FAM227B: variants seen among roughly 807,000 people sequenced by gnomAD.
FAM227B encodes the protein protein FAM227B.
In FAM227B, 88 loss-of-function variants were observed where a neutral mutation model predicts 73.8. The ratio of observed to expected loss-of-function variants is 1.19; its 90% CI spans 1.00 to 1.42. The LOEUF (loss-of-function observed/expected upper bound fraction) is 1.42. Ranked by LOEUF, FAM227B falls within the 40% of genes most tolerant of loss-of-function variation. The probability of loss-of-function intolerance (pLI) is 0.00; values close to 1 mark genes in which losing one functional copy is unlikely to be tolerated. For missense variants in FAM227B, 632 were observed against 590.9 expected (o/e 1.07, Z -0.72); for synonymous variants, 210 against 190.5 (o/e 1.10, Z -0.84).
chr15:49,517,810 T>G (rs943003706), intron 10 of FAM227B, among the ~76,000 whole-genome samples: 1 of 152,184 alleles, frequency 6.6e-6, no homozygotes. Context: ...ATTCCAAGGG[T>G]AACTATTAGT....
chr15:49,569,399 T>C (rs1479188629), intron 8 of FAM227B, among the ~76,000 whole-genome samples: 1 of 151,900 alleles, frequency 6.6e-6, no homozygotes, highest in Non-Finnish European at 1.5e-5. Flanking sequence ...TCCTTCCTTC[T>C]GTTAACTTAG....
chr15:49,364,087 G>T (rs1478636401), intron 13 of FAM227B, among the ~76,000 whole-genome samples: 1 of 151,988 alleles, frequency 6.6e-6, no homozygotes, highest in Non-Finnish European at 1.5e-5. Flanking sequence ...TTTTTTTATT[G>T]TGTCTATGCC....
intron 13 of FAM227B, among the ~76,000 whole-genome samples, chr15:49,338,306 T>C (rs2040115167): frequency 6.6e-6 from 1 of 152,232 alleles, no homozygotes; most frequent in African/African-American, 2.4e-5. Flanking sequence ...CTTTCAGCTC[T>C]TGGAGGGCAG....
chr15:49,563,355 G>A (rs28788326), intron 9 of FAM227B, among the ~76,000 whole-genome samples: 49,925 of 151,862 alleles, frequency 0.33, 8,986 homozygotes, highest in African/African-American at 0.46. Flanking sequence ...ATGAACAAAC[G>A]GAAAAACATT....
chr15:49,587,561 C>T (rs554195456), intron 5 of FAM227B, among the ~76,000 whole-genome samples: 41 of 151,996 alleles, frequency 2.7e-4, no homozygotes, highest in Non-Finnish European at 5.1e-4. Context: ...CTAGCTCTAA[C>T]ATTATATAAT....
At chr15:49,383,412 C>CT (rs1299190407) in intron 11 of FAM227B, among the ~76,000 whole-genome samples, 1 of 151,972 alleles carries the variant, frequency 6.6e-6, no homozygotes. Flanking sequence ...AAGGTATGCA[C>CT]TTTTTATTAG....
intron 9 of FAM227B, among the ~76,000 whole-genome samples, chr15:49,559,711 C>A (rs1346812473): frequency 6.6e-6 from 1 of 151,880 alleles, no homozygotes; most frequent in African/African-American, 2.4e-5. Flanking sequence ...CTGAGGCAGG[C>A]AGATCACGAG....
chr15:49,438,843 G>GAGAT (rs1369941804), intron 11 of FAM227B, among the ~76,000 whole-genome samples: 2 of 151,104 alleles, frequency 1.3e-5, no homozygotes, highest in Non-Finnish European at 3.0e-5. Flanking sequence ...CTGAGAGAGA[G>GAGAT]AGTGGGTGGT....
At chr15:49,378,624 G>A (rs770219619) in intron 11 of FAM227B, among the ~76,000 whole-genome samples, 4 of 152,076 alleles carry the variant, frequency 2.6e-5, no homozygotes, top group Non-Finnish European at 5.9e-5. Flanking sequence ...TTGGCATATA[G>A]ATGTGCTACT....
At chr15:49,368,441 CT>C (rs1200717413) in intron 12 of FAM227B, among the ~76,000 whole-genome samples, 1 of 152,048 alleles carries the variant, frequency 6.6e-6, no homozygotes, top group East Asian at 1.9e-4. Flanking sequence ...CTTATGGTCA[CT>C]TTTTTATTCT....
intron 2 of FAM227B, among the ~76,000 whole-genome samples, chr15:49,614,548 T>C (rs1333234481): frequency 6.6e-6 from 1 of 152,232 alleles, no homozygotes; most frequent in East Asian, 1.9e-4. Flanking sequence ...AACTGTCCCA[T>C]AGAACTAATG....
intron 11 of FAM227B, among the ~76,000 whole-genome samples, chr15:49,395,657 T>G (rs1309787035): frequency 6.6e-6 from 1 of 152,038 alleles, no homozygotes; most frequent in East Asian, 1.9e-4. Flanking sequence ...ATTTGCTGAG[T>G]TATGTGGTGT....
At chr15:49,565,247 TG>T (rs2074555021) in intron 9 of FAM227B, among the ~76,000 whole-genome samples, 3 of 151,762 alleles carry the variant, frequency 2.0e-5, no homozygotes, top group Admixed American at 6.6e-5. Context: ...CCAGGGGTGG[TG>T]ATGGGCACCT....
At chr15:49,535,318 C>T (rs1429782260) in intron 10 of FAM227B, among the ~76,000 whole-genome samples, 1 of 151,302 alleles carries the variant, frequency 6.6e-6, no homozygotes, top group Non-Finnish European at 1.5e-5. Context: ...ATTGAAAAAA[C>T]CTAAATGGAA....
intron 9 of FAM227B, among the ~76,000 whole-genome samples, chr15:49,550,416 G>C (rs1418533796): frequency 5.9e-5 from 9 of 151,826 alleles, no homozygotes; most frequent in African/African-American, 2.2e-4. Context: ...CGGGGTGGCT[G>C]CTGGGCGGAG....
At chr15:49,410,974 G>GTC (rs959516710) in intron 11 of FAM227B, among the ~76,000 whole-genome samples, 3 of 142,766 alleles carry the variant, frequency 2.1e-5, no homozygotes, top group African/African-American at 7.7e-5. Flanking sequence ...GTGTGTGTGT[G>GTC]TGTGTGTATG....
intron 10 of FAM227B, among the ~76,000 whole-genome samples, chr15:49,535,255 C>G (rs1466164077): frequency 6.6e-6 from 1 of 151,320 alleles, no homozygotes; most frequent in Non-Finnish European, 1.5e-5. Flanking sequence ...ACAAGAGATA[C>G]CTCTGAAATA....
At chr15:49,539,168 C>T (rs1001936951) in intron 10 of FAM227B, among the ~76,000 whole-genome samples, 16 of 152,114 alleles carry the variant, frequency 1.1e-4, no homozygotes, top group Non-Finnish European at 2.2e-4. Context: ...GAGCATGCAA[C>T]AGCTTACATT....
intron 3 of FAM227B, among the ~76,000 whole-genome samples, chr15:49,608,200 T>C (rs889317867): frequency 1.3e-5 from 2 of 152,264 alleles, no homozygotes; most frequent in East Asian, 1.9e-4. Context: ...TTCTACATTA[T>C]AGCGCTGTGG....
Sources: allele counts gnomAD v4.1 joint callset (sites outside exome capture counted in the v4.1 genomes callset), GRCh38; gene constraint gnomAD v4.1.1; transcripts MANE v1.5; gene names NCBI Gene and HGNC (gene_info 2026-07-23, HGNC 2026-07-21).